PTPRM: variants seen among roughly 807,000 people sequenced by gnomAD.
PTPRM encodes the protein protein tyrosine phosphatase receptor type M.
Under a neutral mutation model 186.7 loss-of-function variants are expected in PTPRM, and 47 were observed. The ratio of observed to expected loss-of-function variants is 0.25; its 90% CI spans 0.20 to 0.32. The LOEUF is 0.32. Among genes scored for constraint, PTPRM ranks in the 10% least tolerant of loss-of-function variants. The probability of loss-of-function intolerance (pLI) is 1.00; values close to 1 mark genes in which losing one functional copy is unlikely to be tolerated. For synonymous variants in PTPRM, 668 were observed against 674.9 expected, an observed-to-expected ratio of 0.99 and a Z score of 0.16; for missense variants, 1,494 against 1,865.0, an observed-to-expected ratio of 0.80 and a Z score of 3.66.
At chr18:7,706,816 G>C (rs1470790624) in intron 1 of PTPRM, among the ~76,000 whole-genome samples, 1 of 151,974 alleles carries the variant, frequency 6.6e-6, no homozygotes, top group East Asian at 1.9e-4. Context: ...TAAATATTGA[G>C]AATTTTGAGA....
In PTPRM at chr18:7,820,257, T is replaced by C. The variant is rs544753554; in HGVS notation, c.196+45986T>C. ...AGGTACATCTACAGAGGTACGTTAG[T>C]TCCTTGGCTGTGAGCTGCAAGGAGG... On this transcript the variant is annotated intron_variant, in intron 2 of 32. Coordinates refer to ENST00000580170, the MANE Select transcript of PTPRM (RefSeq NM_001105244.2). Among the ~76,000 whole-genome samples, 47 of 152,236 alleles carry C rather than the reference T, an allele frequency of 3.1e-4. 1 individual carries two copies. The highest frequency in any genetic ancestry group is 2.7e-3 in the Admixed American group (42 of 15,284).
intron 9 of PTPRM, among the ~76,000 whole-genome samples, chr18:8,081,553 C>G (rs1305103152): frequency 1.3e-5 from 2 of 152,154 alleles, no homozygotes; most frequent in Non-Finnish European, 2.9e-5. Context: ...AAAAGTAAAG[C>G]TGAAACCATA....
At chr18:8,169,479 C>T (rs1206516238) in intron 14 of PTPRM, among the ~76,000 whole-genome samples, 1 of 152,118 alleles carries the variant, frequency 6.6e-6, no homozygotes, top group Non-Finnish European at 1.5e-5. Flanking sequence ...GCCGAGTACA[C>T]TCTCTGAACA....
At chr18:8,393,853 A>G (rs1021491515) in intron 31 of PTPRM, among the ~76,000 whole-genome samples, 1 of 152,132 alleles carries the variant, frequency 6.6e-6, no homozygotes, top group Non-Finnish European at 1.5e-5. Context: ...CAGTAGCACA[A>G]TCTCGGCTCA....
intron 1 of PTPRM, among the ~76,000 whole-genome samples, chr18:7,755,957 G>T (rs944062706): frequency 5.3e-5 from 8 of 152,050 alleles, no homozygotes; most frequent in Non-Finnish European, 1.2e-4. Context: ...TGAATTCTTT[G>T]CAAGATTTGT....
At chr18:7,684,546 C>T (rs2039554458) in intron 1 of PTPRM, among the ~76,000 whole-genome samples, 2 of 152,124 alleles carry the variant, frequency 1.3e-5, no homozygotes, top group Non-Finnish European at 2.9e-5. Context: ...CTATTCTATG[C>T]CTCCATGAGT....
chr18:8,298,543 C>T (rs2095121019), intron 20 of PTPRM, among the ~76,000 whole-genome samples: 1 of 152,176 alleles, frequency 6.6e-6, no homozygotes, highest in Admixed American at 6.5e-5. Context: ...CTCATGGAGA[C>T]ACTGAGATAT....
intron 1 of PTPRM, among the ~76,000 whole-genome samples, chr18:7,752,838 T>G (rs543953332): frequency 2.6e-5 from 4 of 152,130 alleles, no homozygotes; most frequent in Non-Finnish European, 5.9e-5. Context: ...GGCCTTTTAG[T>G]TAGGCACTTG....
At chr18:8,268,198 T>C (rs1274904268) in intron 19 of PTPRM, among the ~76,000 whole-genome samples, 2 of 152,138 alleles carry the variant, frequency 1.3e-5, no homozygotes, top group Non-Finnish European at 2.9e-5. Flanking sequence ...GTATTGGCTG[T>C]TCCTATCCAT....
intron 11 of PTPRM, among the ~76,000 whole-genome samples, chr18:8,112,817 C>A (rs1338181084): frequency 6.6e-6 from 1 of 152,104 alleles, no homozygotes; most frequent in East Asian, 1.9e-4. Context: ...GATACCCAGC[C>A]CATTCTTATA....
chr18:7,893,075 T>C (rs1408310388), intron 3 of PTPRM, among the ~76,000 whole-genome samples: 3 of 152,218 alleles, frequency 2.0e-5, no homozygotes, highest in African/African-American at 7.2e-5. Context: ...TTGTAGAGAT[T>C]CTTTAATACA....
At chr18:8,103,600 A>G (rs1276729911) in intron 11 of PTPRM, among the ~76,000 whole-genome samples, 4 of 152,186 alleles carry the variant, frequency 2.6e-5, no homozygotes, top group Non-Finnish European at 4.4e-5. Context: ...AGGGAATATC[A>G]TGGCTGGTTT....
At chr18:8,053,659 T>C (rs3865362) in intron 7 of PTPRM, among the ~76,000 whole-genome samples, 67,845 of 151,980 alleles carry the variant, frequency 0.45, 16,046 homozygotes, top group South Asian at 0.54. Flanking sequence ...TTATTTACTT[T>C]AGAATCAATT....
chr18:7,578,998 C>T (rs1233202846), intron 1 of PTPRM, among the ~76,000 whole-genome samples: 1 of 152,174 alleles, frequency 6.6e-6, no homozygotes, highest in African/African-American at 2.4e-5. Context: ...CAGACTAACA[C>T]ATCCCCTTTC....
At chr18:7,809,235 T>G (rs1008941285) in intron 2 of PTPRM, among the ~76,000 whole-genome samples, 1 of 152,062 alleles carries the variant, frequency 6.6e-6, no homozygotes, top group Non-Finnish European at 1.5e-5. Flanking sequence ...AGAGTGAAGC[T>G]CTCTCTCCAG....
At chr18:7,614,790 GT>G (rs1184795601) in intron 1 of PTPRM, among the ~76,000 whole-genome samples, 1 of 152,162 alleles carries the variant, frequency 6.6e-6, no homozygotes, top group African/African-American at 2.4e-5. Context: ...ACAGGCATGT[GT>G]TTATCTTGTA....
chr18:7,659,147 CACACA>C (rs1399555604), intron 1 of PTPRM, among the ~76,000 whole-genome samples: 103 of 151,882 alleles, frequency 6.8e-4, no homozygotes, highest in African/African-American at 2.3e-3. Flanking sequence ...CACACACACA[CACACA>C]CACAATCTCC....
In PTPRM at chr18:8,323,786, C is replaced by T. The variant is rs149505778; in HGVS notation, c.2956+4572C>T. Reference sequence around the variant, plus strand: ...AACAGGGAGACGCTTGTGCCCCCAACCATGTTTTCCATAGGACCGCCCAGC... The same window carrying T: ...AACAGGGAGACGCTTGTGCCCCCAATCATGTTTTCCATAGGACCGCCCAGC... On this transcript the variant is annotated intron_variant, in intron 22 of 32. Coordinates refer to ENST00000580170, the MANE Select transcript of PTPRM (RefSeq NM_001105244.2). 8.3e-3 allele frequency among the ~76,000 whole-genome samples: 1,267 copies of T among 152,230 alleles called. 6 individuals carry two copies. The highest frequency in any genetic ancestry group is 0.051 in the Middle Eastern group (15 of 294).
intron 1 of PTPRM, among the ~76,000 whole-genome samples, chr18:7,723,799 C>A (rs957938408): frequency 6.6e-6 from 1 of 152,142 alleles, no homozygotes; most frequent in African/African-American, 2.4e-5. Flanking sequence ...TGGGAGAGCA[C>A]CCTTTTTGTC....
Sources: gnomAD v4.1 joint callset for allele counts (sites outside exome capture counted in the v4.1 genomes callset) on GRCh38, gnomAD v4.1.1 for gene constraint, MANE v1.5 for transcripts, NCBI Gene and HGNC (gene_info 2026-07-23, HGNC 2026-07-21) for gene names.